Variants in GLS observed in about 807,000 individuals in gnomAD.
GLS encodes the protein glutaminase, also known as glutaminase kidney isoform, mitochondrial.
Under a neutral mutation model 86.7 loss-of-function variants are expected in GLS, and 36 were observed. That is an observed-to-expected ratio of 0.42 (90% CI 0.32 to 0.55). The LOEUF (loss-of-function observed/expected upper bound fraction) is 0.55, where lower values mean the gene tolerates loss of function less well. Among genes scored for constraint, GLS ranks in the 20% least tolerant of loss-of-function variants. The pLI, the probability that GLS is intolerant of heterozygous loss-of-function variation, is 0.17. For missense variants in GLS, 528 were observed against 833.4 expected (o/e 0.63, Z 4.51); for synonymous variants, 317 against 305.9 (o/e 1.04, Z -0.38).
intron 14 of GLS, among the ~76,000 whole-genome samples, chr2:190,948,606 G>T (rs1196546427): frequency 1.3e-5 from 2 of 152,150 alleles, no homozygotes; most frequent in Non-Finnish European, 2.9e-5. Flanking sequence ...TACCAACATA[G>T]TTTTAAAAAT....
intron 14 of GLS, among the ~76,000 whole-genome samples, chr2:190,939,370 A>G (rs956098687): frequency 4.0e-5 from 6 of 151,832 alleles, no homozygotes; most frequent in East Asian, 1.9e-4. Flanking sequence ...TCAAAATATT[A>G]TAGTATTGGT....
intron 6 of GLS, among the ~76,000 whole-genome samples, chr2:190,906,017 T>C (rs753140230): frequency 2.1e-4 from 32 of 152,134 alleles, no homozygotes; most frequent in Non-Finnish European, 2.2e-4. Context: ...GATGAAGTCA[T>C]AAGACTGGTA....
intron 12 of GLS, among the ~76,000 whole-genome samples, chr2:190,928,181 C>T (rs930582299): frequency 6.6e-6 from 1 of 151,664 alleles, no homozygotes; most frequent in Non-Finnish European, 1.5e-5. Context: ...AAATAAGGAT[C>T]CTTAACAAAA....
At chr2:190,958,002 C>T (rs985228442) in intron 17 of GLS, among the ~76,000 whole-genome samples, 8 of 152,074 alleles carry the variant, frequency 5.3e-5, no homozygotes, top group African/African-American at 1.7e-4. Flanking sequence ...CTCTTTGTAC[C>T]TCTGGTAGAA....
chr2:190,946,712 C>T (rs1009907911), intron 14 of GLS, among the ~76,000 whole-genome samples: 1 of 152,118 alleles, frequency 6.6e-6, no homozygotes, highest in Non-Finnish European at 1.5e-5. Flanking sequence ...TCCTTTTCTC[C>T]CCTCCCGCTT....
At chr2:190,882,595 A>G (rs1241953823) in intron 1 of GLS, among the ~76,000 whole-genome samples, 1 of 152,158 alleles carries the variant, frequency 6.6e-6, no homozygotes, top group African/African-American at 2.4e-5. Context: ...CATTGTTATA[A>G]TTTCAATCTC....
At chr2:190,934,192 A>G in intron 14 of GLS, 1 of 978,032 alleles carries the variant, frequency 1.0e-6, no homozygotes, top group Non-Finnish European at 1.2e-6. Flanking sequence ...ATGATGGTGT[A>G]TGTATGTGGT....
rs2124948145 is a variant in GLS at position 190,953,464 on chromosome 2, C to A, written c.1651-101C>A. On this transcript the variant is annotated intron_variant, in intron 14 of 17. Coordinates refer to ENST00000320717, the MANE Select transcript of GLS (RefSeq NM_014905.5). This position sits in a 1 kb window ranked among gnomAD's most constrained non-coding sequence, Gnocchi z 4.0. ...AGATCACTTTTTGCACGTGACTCAG[C>A]TGAAGTGTTCAAAGCACATGGAAAT... 2 of 805,580 alleles carry A rather than the reference C, an allele frequency of 2.5e-6. No homozygotes were observed. The highest frequency in any genetic ancestry group is 4.4e-6 in the Non-Finnish European group (2 of 457,608). The allele number at this position is 805,580 out of a possible 1,614,324, so 49.9% of individuals were successfully genotyped here.
rs968221682 is a variant in GLS at position 190,935,741 on chromosome 2, A to G, written c.1650+4104A>G. ...ATTGCTAAACCAAATGAAGAGTATC[A>G]TCATATTGCTTTAGAATAAAACTGT... On this transcript the variant is annotated intron_variant, in intron 14 of 17. Coordinates refer to ENST00000320717, the MANE Select transcript of GLS (RefSeq NM_014905.5). This position sits in a 1 kb window ranked among gnomAD's most constrained non-coding sequence, Gnocchi z 4.2. Among the ~76,000 whole-genome samples, 1 of 151,310 alleles carries G rather than the reference A, an allele frequency of 6.6e-6. No individual in the cohort carries two copies. Among genetic ancestry groups the G allele is most frequent in the Non-Finnish European group, 1.5e-5 (1 of 67,346 alleles).
chr2:190,880,914 A>AGCAGCACCCGCATCC lies in GLS; in HGVS notation c.-168_-154dup. ...CAGCAGCAGCAGCAGCAGCAGCAGC[A>AGCAGCACCCGCATCC]GCAGCACCCGCATCCGCTGCGGGAG... On this transcript the variant is annotated 5_prime_UTR_variant, in exon 1 of 18. Coordinates refer to ENST00000320717, the MANE Select transcript of GLS (RefSeq NM_014905.5). 1 of 938,330 alleles carries AGCAGCACCCGCATCC rather than the reference A, an allele frequency of 1.1e-6. No individual in the cohort carries two copies. Among genetic ancestry groups the AGCAGCACCCGCATCC allele is most frequent in the Non-Finnish European group, 1.6e-6 (1 of 622,658 alleles). 58.1% of individuals were successfully genotyped at this position (938,330 alleles called of 1,614,324 possible).
intron 9 of GLS, among the ~76,000 whole-genome samples, chr2:190,923,024 G>A (rs1689794095): frequency 6.6e-6 from 1 of 152,174 alleles, no homozygotes; most frequent in East Asian, 1.9e-4. Context: ...TCATCAGGTT[G>A]GAAGATTATC....
At chr2:190,900,835 C>G in intron 4 of GLS, 142 bp downstream of exon 4, 1 of 518,752 alleles carries the variant, frequency 1.9e-6, no homozygotes, top group East Asian at 3.3e-5. Context: ...AGTGAAGCCA[C>G]TGGATTTAGT....
In GLS at chr2:190,895,014, A is replaced by G. The variant is rs919995530; in HGVS notation, c.387-138A>G. The G allele has an allele frequency of 1.1e-5, 5 of 468,652 alleles. No homozygotes were observed. Among genetic ancestry groups the G allele is most frequent in the African/African-American group, 9.8e-5 (5 of 51,194 alleles). 29.0% of individuals were successfully genotyped at this position (468,652 alleles called of 1,614,324 possible). ...GTACTGATTTGATTTTGGTAAATCA[A>G]CATTTATTATGACTGTAGTCTTGAG... On this transcript the variant is annotated intron_variant, in intron 1 of 17. Coordinates refer to ENST00000320717, the MANE Select transcript of GLS (RefSeq NM_014905.5). The surrounding 1 kb of genome is among the most constrained non-coding windows in gnomAD (Gnocchi z 4.2).
At chr2:190,926,158 T>C (rs1352419946) in intron 11 of GLS, among the ~76,000 whole-genome samples, 1 of 152,176 alleles carries the variant, frequency 6.6e-6, no homozygotes, top group East Asian at 1.9e-4. Flanking sequence ...CGAGTTGGCA[T>C]TTGGCAAATT....
rs955477809 is a variant in GLS at position 190,927,114 on chromosome 2, C to T, written c.1249-192C>T. 13 of 500,536 alleles carry T rather than the reference C, an allele frequency of 2.6e-5. 1 individual carries two copies. Among genetic ancestry groups the T allele is most frequent in the South Asian group, 1.2e-4 (4 of 33,672 alleles). 31.0% of individuals were successfully genotyped at this position (500,536 alleles called of 1,614,324 possible). A position where few individuals can be genotyped will look rare whatever the true frequency, so the allele number is the denominator to read the frequency against. Reference sequence around the variant, plus strand: ...AAAGACTGAGTATCTTTGGCCAAATCAGGGTAAATCTTAAAAGTGGGTAGG... The same window carrying T: ...AAAGACTGAGTATCTTTGGCCAAATTAGGGTAAATCTTAAAAGTGGGTAGG... On this transcript the variant is annotated intron_variant, in intron 11 of 17. Transcript: ENST00000320717.
intron 5 of GLS, among the ~76,000 whole-genome samples, chr2:190,903,972 T>C (rs1689043442): frequency 6.6e-6 from 1 of 152,172 alleles, no homozygotes; most frequent in Non-Finnish European, 1.5e-5. Flanking sequence ...AAGCTTACAT[T>C]ATAATTGGGT....
At chr2:190,907,266 G>A (rs6751852) in intron 6 of GLS, among the ~76,000 whole-genome samples, 132,743 of 144,036 alleles carry the variant, frequency 0.92, 61,228 homozygotes, top group Non-Finnish European at 0.94. Context: ...TTTGAGACGG[G>A]GTTTCACTCT....
At position 190,905,265 on chromosome 2, in the gene GLS, T is replaced by C; in HGVS notation, c.979+98T>C. 2 of 722,646 alleles carry C rather than the reference T, an allele frequency of 2.8e-6. No individual in the cohort carries two copies. The highest frequency in any genetic ancestry group is 4.5e-6 in the Non-Finnish European group (2 of 440,504). 44.8% of individuals were successfully genotyped at this position (722,646 alleles called of 1,614,324 possible). On this transcript the variant is annotated intron_variant, in intron 6 of 17. Transcript: ENST00000320717. The surrounding 1 kb of genome is among the most constrained non-coding windows in gnomAD (Gnocchi z 4.6). ...CATTTTTTGATTAAAATTAAAAGTA[T>C]TTGTCATGTGATTTCTATATAATCC...
intron 12 of GLS, among the ~76,000 whole-genome samples, chr2:190,928,159 G>C (rs1367422691): frequency 6.6e-6 from 1 of 151,730 alleles, no homozygotes; most frequent in African/African-American, 2.4e-5. Context: ...TCATATTTCA[G>C]TATGTAATTC....
Sources: allele counts gnomAD v4.1 joint callset (sites outside exome capture counted in the v4.1 genomes callset), GRCh38; gene constraint gnomAD v4.1.1; non-coding constraint Gnocchi (gnomAD v3.1); transcripts MANE v1.5; gene names NCBI Gene and HGNC (gene_info 2026-07-23, HGNC 2026-07-21).